ASPDH: variants seen among roughly 807,000 people sequenced by gnomAD.
ASPDH encodes the protein aspartate dehydrogenase domain-containing protein.
A neutral mutation model predicts 30.5 loss-of-function variants in ASPDH; 25 were observed. The ratio of observed to expected loss-of-function variants is 0.82; its 90% confidence interval spans 0.60 to 1.14. The LOEUF (loss-of-function observed/expected upper bound fraction) is 1.14, where lower values mean the gene tolerates loss of function less well. Ranked by LOEUF, ASPDH falls within the 50% of genes most tolerant of loss-of-function variation. The pLI, the probability that ASPDH is intolerant of heterozygous loss-of-function variation, is 0.00. For missense variants in ASPDH, 401 were observed against 381.5 expected (o/e 1.05, Z -0.43); for synonymous variants, 168 against 156.3 (o/e 1.07, Z -0.56).
rs904265223 is a variant in ASPDH, at chr19:50,513,742, G to A, written c.52+30C>T. On this transcript the variant is annotated intron_variant, in intron 1 of 6. Transcript: ENST00000389208. This position sits in a 1 kb window ranked among gnomAD's most constrained non-coding sequence, Gnocchi z 4.9. ...TGGGAGCTTTAGGAAGGGGTTTGGG[G>A]AAGGAGGCCAAGGATGGTCAGGGAC... 195 of 1,484,842 alleles carry A rather than the reference G, an allele frequency of 1.3e-4. No individual in the cohort carries two copies. Among genetic ancestry groups the A allele is most frequent in the Non-Finnish European group, 1.7e-4 (188 of 1,087,424 alleles). 92.0% of individuals were successfully genotyped at this position (1,484,842 alleles called of 1,614,324 possible). A position where few individuals can be genotyped will look rare whatever the true frequency, so the allele number is the denominator to read the frequency against.
upstream of ASPDH, chr19:50,514,444 A>G: frequency 6.2e-7 from 1 of 1,613,806 alleles, no homozygotes; most frequent in Non-Finnish European, 8.5e-7. Context: ...CCCTGTCCAC[A>G]GCCTCCCTCC....
Position 50,513,336 on chromosome 19 carries a change from C to T in ASPDH, c.133G>A (p.Gly45Arg). 1 of 1,540,702 alleles carries T rather than the reference C, an allele frequency of 6.5e-7. No individual in the cohort carries two copies. The highest frequency in any genetic ancestry group is 1.2e-5 in the South Asian group (1 of 82,260). ...ELVFVWNRDP[G>R]RMAGSVPPSL... ...GGGGGCACGCTCCCTGCCATTCGTC[C>T]TGGGTCACGATTCCAGACAAAAACA... The change falls in exon 2 of 7, where the codon GGA becomes AGA. Residue 45 changes from glycine (G) to arginine (R), a missense_variant. Transcript: ENST00000389208. This position sits in a 1 kb window ranked among gnomAD's most constrained non-coding sequence, Gnocchi z 4.9.
chr19:50,513,067 C>T lies in ASPDH; in HGVS notation c.198-56G>A, dbSNP rs962959774. The T allele has an allele frequency of 2.0e-6, 3 of 1,463,572 alleles. No individual in the cohort carries two copies. Among genetic ancestry groups the T allele is most frequent in the Non-Finnish European group, 2.8e-6 (3 of 1,067,654 alleles). The allele number at this position is 1,463,572 out of a possible 1,614,324, so 90.7% of individuals were successfully genotyped here. The stretch of plus-strand genomic sequence containing the variant: ...TGGAGAGGTATTAGGCCTCTTCTCC[C>T]CAAGGTTCCCTCCGAGTCTACTGAG... On this transcript the variant is annotated intron_variant, in intron 2 of 6. Coordinates refer to ENST00000389208, the MANE Select transcript of ASPDH (RefSeq NM_001114598.2). The surrounding 1 kb of genome is among the most constrained non-coding windows in gnomAD (Gnocchi z 4.9).
upstream of ASPDH, among the ~76,000 whole-genome samples, chr19:50,514,251 A>C (rs1980131022): frequency 6.6e-6 from 1 of 151,660 alleles, no homozygotes; most frequent in Non-Finnish European, 1.5e-5. Flanking sequence ...CCTCGTGCTC[A>C]CCTCTCCTCC....
At chr19:50,512,639 T>G (rs1980013777) in intron 4 of ASPDH, 22 bp downstream of exon 4, 1 of 1,517,912 alleles carries the variant, frequency 6.6e-7, no homozygotes, top group East Asian at 2.4e-5. Context: ...CCCTGGTTCC[T>G]GGGGAGCCCA....
At position 50,513,009 on chromosome 19, in the gene ASPDH, C is replaced by A. The variant is rs200634157; in HGVS notation, c.200G>T (p.Arg67Leu). 1.9e-6 allele frequency: 3 copies of A among 1,612,272 alleles called. No individual in the cohort carries two copies. The highest frequency in any genetic ancestry group is 1.7e-5 in the Admixed American group (1 of 59,778). The change falls in exon 3 of 7, where the codon CGC becomes CTC. Residue 67 changes from arginine (R) to leucine (L), a missense_variant and splice_region_variant. By Grantham distance (102) the Arg-to-Leu change is moderately radical. Transcript: ENST00000389208. This position sits in a 1 kb window ranked among gnomAD's most constrained non-coding sequence, Gnocchi z 4.9. ...GGCCACTTCCACAACCAGATCAGGGCGCCTGGGAGAGGGGAAAGAGGGCGG... is the reference window on the plus strand; with the variant it reads ...GGCCACTTCCACAACCAGATCAGGGAGCCTGGGAGAGGGGAAAGAGGGCGG... ...LQNLAALGER[R>L]PDLVVEVAHP...
chr19:50,512,479 G>A lies in ASPDH; in HGVS notation c.534C>T (p.Gly178=). The A allele has an allele frequency of 6.3e-7, 1 of 1,589,440 alleles. No individual in the cohort carries two copies. Among genetic ancestry groups the A allele is most frequent in the Non-Finnish European group, 8.6e-7 (1 of 1,169,436 alleles). ...SPGPCTVLYE[G]PVRGLCPFAP... is the part of the protein sequence containing the mutation. ...CAAAGGGGCAGAGCCCACGGACAGG[G>A]CCTTCGTAGAGCACAGTGCAAGGCC... Residue 178 remains glycine, a synonymous_variant, in exon 5 of 7, where the codon GGC becomes GGT. Transcript: ENST00000389208.
In ASPDH at chr19:50,513,116, T is replaced by C. The variant is rs1980064488; in HGVS notation, c.198-105A>G. The stretch of plus-strand genomic sequence containing the variant: ...AGGGCTGCCCTTCTTCTCCCTGACC[T>C]GGGAGGCGAAATGAGATGAATGGGT... On this transcript the variant is annotated intron_variant, in intron 2 of 6. Transcript: ENST00000389208. This position sits in a 1 kb window ranked among gnomAD's most constrained non-coding sequence, Gnocchi z 4.9. 4 of 1,285,258 alleles carry C rather than the reference T, an allele frequency of 3.1e-6. No individual in the cohort carries two copies. In the Admixed American group the frequency reaches 7.2e-5, roughly 23 times the overall value. The allele number at this position is 1,285,258 out of a possible 1,614,324, so 79.6% of individuals were successfully genotyped here.
upstream of ASPDH, chr19:50,513,965 G>T (rs1980116333): frequency 1.1e-5 from 12 of 1,063,036 alleles, no homozygotes; most frequent in East Asian, 2.9e-4. This position sits in a 1 kb window ranked among gnomAD's most constrained non-coding sequence, Gnocchi z 4.9. Context: ...GGCCCAGCGT[G>T]GGGGCGTGGG....
In ASPDH at chr19:50,513,055, G is replaced by T; in HGVS notation, c.198-44C>A. On this transcript the variant is annotated intron_variant, in intron 2 of 6. Coordinates refer to ENST00000389208, the MANE Select transcript of ASPDH (RefSeq NM_001114598.2). This position sits in a 1 kb window ranked among gnomAD's most constrained non-coding sequence, Gnocchi z 4.9. ...GGCGGAGGGTCTTGGAGAGGTATTA[G>T]GCCTCTTCTCCCCAAGGTTCCCTCC... 1 of 1,507,058 alleles carries T rather than the reference G, an allele frequency of 6.6e-7. No homozygotes were observed. Among genetic ancestry groups the T allele is most frequent in the Non-Finnish European group, 9.1e-7 (1 of 1,099,194 alleles). The allele number at this position is 1,507,058 out of a possible 1,614,324, so 93.4% of individuals were successfully genotyped here.
At position 50,512,123 on chromosome 19, in the gene ASPDH, G is replaced by A. The variant is rs754770873; in HGVS notation, c.808+13C>T. The A allele has an allele frequency of 1.3e-6, 2 of 1,532,036 alleles. No individual in the cohort carries two copies. Among genetic ancestry groups the A allele is most frequent in the South Asian group, 2.4e-5 (2 of 83,612 alleles). 94.9% of individuals were successfully genotyped at this position (1,532,036 alleles called of 1,614,324 possible). A position where few individuals can be genotyped will look rare whatever the true frequency, so the allele number is the denominator to read the frequency against. On this transcript the variant is annotated intron_variant, in intron 6 of 6. Coordinates refer to ENST00000389208, the MANE Select transcript of ASPDH (RefSeq NM_001114598.2). ...CAGGAGCCCAGGGCCGGGGGAGAGG[G>A]GCCTGGCCGCACCCAGGAGGCTCTG... is the stretch of plus-strand genomic sequence containing the variant.
Position 50,511,742 on chromosome 19 carries a change from G to A in ASPDH, c.840C>T (p.Ile280=), listed in dbSNP as rs1979894102. 4 of 1,315,178 alleles carry A rather than the reference G, an allele frequency of 3.0e-6. No individual in the cohort carries two copies. Among genetic ancestry groups the A allele is most frequent in the Non-Finnish European group, 3.9e-6 (4 of 1,026,432 alleles). 81.5% of individuals were successfully genotyped at this position (1,315,178 alleles called of 1,614,324 possible). A position where few individuals can be genotyped will look rare whatever the true frequency, so the allele number is the denominator to read the frequency against. ...GGGAGGAGGCTTCTCAGCAGAGATG[G>A]ATCCCCGGCCTGGAGGGGAGCTGGC... ...ACCQLPSRPG[I]HLC The change falls in exon 7 of 7, where the codon ATC becomes ATT. Residue 280 remains isoleucine (I), a synonymous_variant. Coordinates refer to ENST00000389208, the MANE Select transcript of ASPDH (RefSeq NM_001114598.2).
In ASPDH at chr19:50,512,295, G is replaced by A; in HGVS notation, c.654-5C>T. ...ACCACGTGCATGTCCGTGAGGCTGG[G>A]ACAAGAGGGGCAGTCAGTCTGGAGA... On this transcript the variant is annotated splice_polypyrimidine_tract_variant and splice_region_variant and intron_variant, in intron 5 of 6. Coordinates refer to ENST00000389208, the MANE Select transcript of ASPDH (RefSeq NM_001114598.2). 6.2e-7 allele frequency: 1 copy of A among 1,613,854 alleles called. No homozygotes were observed. Among genetic ancestry groups the A allele is most frequent in the Non-Finnish European group, 8.5e-7 (1 of 1,179,976 alleles).
rs1253657290 is a variant in ASPDH at position 50,512,365 on chromosome 19, A to G, written c.648T>C (p.Asp216=). The part of the protein sequence containing the change: ...FDGVIGVLVA[D]TSLTDMHVVD... ...CCCTGCTTAGCTCTGCTCACCTGGTATCAGCCACGAGCACCCCAATCACCC... is the reference window on the plus strand; with the variant it reads ...CCCTGCTTAGCTCTGCTCACCTGGTGTCAGCCACGAGCACCCCAATCACCC... The change falls in exon 5 of 7, where the codon GAT becomes GAC. Residue 216 remains aspartate (D), a synonymous_variant. Transcript: ENST00000389208. 6 of 1,613,790 alleles carry G rather than the reference A, an allele frequency of 3.7e-6. No individual in the cohort carries two copies. The African/African-American group carries it at 6.7e-5, about 18-fold the overall frequency.
At chr19:50,514,675 C>T (rs937614922), upstream of ASPDH, 40 of 1,535,300 alleles carry the variant, frequency 2.6e-5, no homozygotes, top group South Asian at 1.5e-4. Flanking sequence ...TCGGAAATGG[C>T]GCAGGCTGCG....
In ASPDH at chr19:50,512,662, C is replaced by T. The variant is rs763791012; in HGVS notation, c.431G>A (p.Arg144Gln). The change falls in exon 4 of 7, where the codon CGG (arginine) becomes CAG (glutamine). Residue 144 changes from arginine (R) to glutamine (Q), a missense_variant and splice_region_variant. By Grantham distance (43) the Arg-to-Gln change is conservative (BLOSUM62 1). Transcript: ENST00000389208. Reference sequence around the variant, plus strand: ...CCTGGGGAGCCCAGCAGGCCTCACCCGGAGGCCCCCAGCTGCATCCAATCT... The same window carrying T: ...CCTGGGGAGCCCAGCAGGCCTCACCTGGAGGCCCCCAGCTGCATCCAATCT... ...IRRLDAAGGLRSLRVTMATHP... is the reference protein window; with the variant it reads ...IRRLDAAGGLQSLRVTMATHP... 7 of 1,536,646 alleles carry T rather than the reference C, an allele frequency of 4.6e-6. No homozygotes were observed. Among genetic ancestry groups the T allele is most frequent in the East Asian group, 2.4e-5 (1 of 41,348 alleles).
chr19:50,511,853 AG>A (rs955461976), intron 6 of ASPDH, 80 bp from the exon 7 acceptor site: 13 of 347,034 alleles, frequency 3.7e-5, no homozygotes, highest in Admixed American at 3.5e-4. Flanking sequence ...TGGTGGGAGG[AG>A]GGGACAGGGC....
intron 6 of ASPDH, 172 bp from the exon 7 acceptor site, chr19:50,511,945 G>GGCGGGCACAGAGACTCAGGGGAC (rs1979922851): frequency 9.9e-6 from 3 of 302,354 alleles, no homozygotes; most frequent in Non-Finnish European, 1.5e-5. Flanking sequence ...CTCGATCAGA[G>GGCGGGCACAGAGACTCAGGGGAC]GCGGGCACAA....
Position 50,513,872 on chromosome 19 carries a change from C to T in ASPDH, c.-49G>A. ...CCTGGCTCCCTGGGCTGCTCGCTGC[C>T]CGCTGCACAAGGCCTGGGCAGCCGC... On this transcript the variant is annotated 5_prime_UTR_variant, in exon 1 of 7. Coordinates refer to ENST00000389208, the MANE Select transcript of ASPDH (RefSeq NM_001114598.2). The surrounding 1 kb of genome is among the most constrained non-coding windows in gnomAD (Gnocchi z 4.9). 1 of 1,538,404 alleles carries T rather than the reference C, an allele frequency of 6.5e-7. No individual in the cohort carries two copies. Among genetic ancestry groups the T allele is most frequent in the Non-Finnish European group, 8.8e-7 (1 of 1,141,346 alleles).
Sources: gnomAD v4.1 joint callset for allele counts (sites outside exome capture counted in the v4.1 genomes callset) on GRCh38, gnomAD v4.1.1 for gene constraint, Gnocchi (gnomAD v3.1) non-coding constraint, MANE v1.5 for transcripts, NCBI Gene and HGNC (gene_info 2026-07-23, HGNC 2026-07-21) for gene names.